The following UPK3A variants were observed in gnomAD, a reference collection of about 807,000 sequenced individuals.
The protein encoded by UPK3A is uroplakin 3A.
UPK3A carries 32 observed loss-of-function variants against 27.6 expected under a neutral mutation model. The observed-to-expected ratio is 1.16, with a 90% CI of 0.87 to 1.55. UPK3A has a LOEUF of 1.55. UPK3A is among the 40% of genes most tolerant of loss of function. The pLI, the probability that UPK3A is intolerant of heterozygous loss-of-function variation, is 0.00. For missense variants in UPK3A, 370 were observed against 367.9 expected, an observed-to-expected ratio of 1.01 and a Z score of -0.05; for synonymous variants, 171 against 163.9, an observed-to-expected ratio of 1.04 and a Z score of -0.33.
chr22:45,293,181 T>C lies in UPK3A; in HGVS notation c.572T>C (p.Leu191Pro). 6.2e-7 allele frequency: 1 copy of C among 1,613,632 alleles called. No homozygotes were observed. The highest frequency in any genetic ancestry group is 8.5e-7 in the Non-Finnish European group (1 of 1,179,994). The change falls in exon 5 of 6, where the codon CTC becomes CCC. Residue 191 changes from leucine (L) to proline (P), a missense_variant and splice_region_variant. Physicochemically the swap from Leu to Pro is moderately conservative, Grantham distance 98 (BLOSUM62 -3). Coordinates refer to ENST00000216211, the MANE Select transcript of UPK3A (RefSeq NM_006953.4). ...LWSDPIRTNQ[L>P]TPYSTIDTWP... ...GTAACCGGGCTGCATCCCACCACAGTCACCCCATACTCGACGATCGACACG... is the reference window on the plus strand; with the variant it reads ...GTAACCGGGCTGCATCCCACCACAGCCACCCCATACTCGACGATCGACACG...
chr22:45,286,134 G>A, intron 2 of UPK3A, 38 bp downstream of exon 2: 1 of 1,612,872 alleles, frequency 6.2e-7, no homozygotes, highest in Middle Eastern at 1.6e-4. Flanking sequence ...TCCAAAAGGG[G>A]CTCTGACCTG....
rs2084123358 is a variant in UPK3A, at chr22:45,287,120, T to C, written c.209-52T>C. The C allele has an allele frequency of 3.1e-6, 5 of 1,611,412 alleles. No individual in the cohort carries two copies. The East Asian group carries it at 8.9e-5, about 29-fold the overall frequency. On this transcript the variant is annotated intron_variant, in intron 2 of 5. Transcript: ENST00000216211. ...GGCATTTGATGAATAACTGAGTGAG[T>C]GTCGCTGAGCCGGAGTGGCCAGAAG...
Position 45,287,440 on chromosome 22 carries a change from C to A in UPK3A, c.477C>A (p.Ala159=), listed in dbSNP as rs757745980. Residue 159 remains alanine (A), a synonymous_variant, in exon 3 of 6, where the codon GCC becomes GCA. Coordinates refer to ENST00000216211, the MANE Select transcript of UPK3A (RefSeq NM_006953.4). ...TCTGTAACGCACCCCTGTCGGCAGCCACGGAGTACAGGTGGGTGTAAACAA... is the reference window on the plus strand; with the variant it reads ...TCTGTAACGCACCCCTGTCGGCAGCAACGGAGTACAGGTGGGTGTAAACAA... ...QGLCNAPLSA[A]TEYRFKYVLV... is the part of the protein sequence containing the mutation. 6.3e-6 allele frequency: 10 copies of A among 1,596,486 alleles called. No homozygotes were observed. The highest frequency in any genetic ancestry group is 3.3e-4 in the Middle Eastern group (2 of 6,060).
intron 1 of UPK3A, among the ~76,000 whole-genome samples, 154 bp downstream of exon 1, chr22:45,285,219 G>T (rs1259753224): frequency 6.6e-6 from 1 of 152,254 alleles, no homozygotes; most frequent in Non-Finnish European, 1.5e-5. Flanking sequence ...GGCCTCCTCT[G>T]TTGGGAATCC....
intron 4 of UPK3A, among the ~76,000 whole-genome samples, chr22:45,289,985 A>G (rs879628987): frequency 2.6e-5 from 4 of 152,166 alleles, no homozygotes; most frequent in Non-Finnish European, 5.9e-5. Flanking sequence ...CCCCTTTGCT[A>G]AATCCTCATA....
At chr22:45,295,491 C>T in intron 5 of UPK3A, 69 bp from the exon 6 acceptor site, 3 of 1,568,966 alleles carry the variant, frequency 1.9e-6, no homozygotes, top group Non-Finnish European at 2.6e-6. Flanking sequence ...ATGAAGGTCC[C>T]CAAGCAGCTA....
intron 3 of UPK3A, among the ~76,000 whole-genome samples, chr22:45,288,703 G>A (rs1055485925): frequency 2.6e-5 from 4 of 152,226 alleles, no homozygotes; most frequent in African/African-American, 9.6e-5. Flanking sequence ...AGGCAGAAAT[G>A]CAAGGAAGAC....
intron 4 of UPK3A, among the ~76,000 whole-genome samples, chr22:45,290,626 CA>C (rs1331176804): frequency 2.0e-5 from 3 of 151,646 alleles, no homozygotes; most frequent in Non-Finnish European, 4.4e-5. Context: ...ATGAGTGTGA[CA>C]GTGTGTGGTG....
At chr22:45,293,961 G>A (rs991483607) in intron 5 of UPK3A, among the ~76,000 whole-genome samples, 3 of 152,108 alleles carry the variant, frequency 2.0e-5, no homozygotes, top group South Asian at 2.1e-4. Flanking sequence ...GGGTGTACCA[G>A]GTTTAGCAGG....
intron 3 of UPK3A, among the ~76,000 whole-genome samples, chr22:45,288,289 G>A (rs1357314971): frequency 2.6e-5 from 4 of 151,538 alleles, no homozygotes; most frequent in African/African-American, 4.9e-5. Flanking sequence ...TCTGCCTCCC[G>A]GGTTCAAGCG....
chr22:45,288,612 C>T (rs1321102146), intron 3 of UPK3A, among the ~76,000 whole-genome samples: 6 of 152,230 alleles, frequency 3.9e-5, no homozygotes, highest in East Asian at 1.9e-4. Context: ...GGATTACAGG[C>T]GTGAGCCACC....
At chr22:45,294,853 C>T (rs187293233) in intron 5 of UPK3A, among the ~76,000 whole-genome samples, 1 of 151,280 alleles carries the variant, frequency 6.6e-6, no homozygotes, top group Non-Finnish European at 1.5e-5. Context: ...TGACCCCACA[C>T]TTGGATGCCT....
intron 5 of UPK3A, among the ~76,000 whole-genome samples, chr22:45,293,926 G>T (rs1355115022): frequency 1.3e-5 from 2 of 152,076 alleles, no homozygotes; most frequent in Non-Finnish European, 2.9e-5. Flanking sequence ...TGTCGCCTTT[G>T]GATGAGGACT....
intron 5 of UPK3A, 56 bp downstream of exon 5, chr22:45,293,369 G>T (rs1226534062): frequency 3.4e-5 from 54 of 1,608,484 alleles, no homozygotes; most frequent in Non-Finnish European, 4.6e-5. Flanking sequence ...GACACATTTG[G>T]CTCACAGGGA....
At chr22:45,291,979 AGTGT>A (rs1192233413) in intron 4 of UPK3A, among the ~76,000 whole-genome samples, 1 of 151,750 alleles carries the variant, frequency 6.6e-6, no homozygotes, top group Non-Finnish European at 1.5e-5. Flanking sequence ...TGAGAATGGC[AGTGT>A]GTGTGGCTGG....
At chr22:45,295,006 C>T (rs1231748452) in intron 5 of UPK3A, among the ~76,000 whole-genome samples, 1 of 151,774 alleles carries the variant, frequency 6.6e-6, no homozygotes, top group Non-Finnish European at 1.5e-5. Context: ...GCTGGGATTA[C>T]AGGCGACCAT....
chr22:45,285,511 A>G (rs2084111343), intron 1 of UPK3A, among the ~76,000 whole-genome samples: 1 of 152,072 alleles, frequency 6.6e-6, no homozygotes, highest in African/African-American at 2.4e-5. Context: ...AACAAAGCAA[A>G]GCCCAGAACT....
chr22:45,286,663 C>T (rs2742635), intron 2 of UPK3A, among the ~76,000 whole-genome samples: 81,007 of 152,046 alleles, frequency 0.53, 25,520 homozygotes, highest in Non-Finnish European at 0.71. Flanking sequence ...TCGGGACCAT[C>T]CTTTTCTTCT....
intron 2 of UPK3A, among the ~76,000 whole-genome samples, chr22:45,286,957 G>A (rs150300787): frequency 3.2e-4 from 49 of 152,322 alleles, no homozygotes; most frequent in East Asian, 1.2e-3. Context: ...AAGATAAGGC[G>A]AGAGTCAGAC....
Sources: allele counts gnomAD v4.1 joint callset (sites outside exome capture counted in the v4.1 genomes callset), GRCh38; gene constraint gnomAD v4.1.1; transcripts MANE v1.5; gene names NCBI Gene and HGNC (gene_info 2026-07-23, HGNC 2026-07-21).